The following NUMA1 variants were observed in gnomAD, a reference collection of about 807,000 sequenced individuals.
NUMA1 encodes the protein nuclear mitotic apparatus protein 1.
Under a neutral mutation model 237.1 loss-of-function variants are expected in NUMA1, and 62 were observed. The observed-to-expected ratio is 0.26, with a 90% CI of 0.21 to 0.32. The LOEUF is 0.32. Among genes scored for constraint, NUMA1 ranks in the 10% least tolerant of loss-of-function variants. The probability of loss-of-function intolerance (pLI) is 1.00; values close to 1 mark genes in which losing one functional copy is unlikely to be tolerated. For synonymous variants in NUMA1, 1,028 were observed against 1,066.1 expected (o/e 0.96, Z 0.70); for missense variants, 2,533 against 2,666.5 (o/e 0.95, Z 1.10).
At chr11:72,072,937 G>T (rs1162812387) in intron 1 of NUMA1, among the ~76,000 whole-genome samples, 2 of 150,922 alleles carry the variant, frequency 1.3e-5, no homozygotes, top group Non-Finnish European at 3.0e-5. Context: ...AGCTACTCGG[G>T]AGGGGAGGCT....
Position 72,015,056 on chromosome 11 carries a change from C to T in NUMA1, c.2447G>A (p.Arg816Gln), listed in dbSNP as rs746484837. 80 of 1,614,004 alleles carry T rather than the reference C, an allele frequency of 5.0e-5. No homozygotes were observed. Among genetic ancestry groups the T allele is most frequent in the Non-Finnish European group, 6.3e-5 (74 of 1,180,048 alleles). The part of the protein sequence containing the change: ...LVKEVAAWRE[R>Q]YEDSQQEEAQ... ...CTCCTCTTGCTGGCTATCCTCATACCGCTCACGCCAGGCAGCTACTTCTTT... is the reference window on the plus strand; with the variant it reads ...CTCCTCTTGCTGGCTATCCTCATACTGCTCACGCCAGGCAGCTACTTCTTT... The change falls in exon 15 of 27, where the codon CGG becomes CAG. Residue 816 changes from arginine to glutamine, a missense_variant. Around this residue, in one of 3 missense-constraint regions of NUMA1, gnomAD observed 1,414 missense variants for 1,508.1 expected, o/e 0.94. Coordinates refer to ENST00000393695, the MANE Select transcript of NUMA1 (RefSeq NM_006185.4). This position sits in a 1 kb window ranked among gnomAD's most constrained non-coding sequence, Gnocchi z 4.0.
In NUMA1 at chr11:72,072,469, G is replaced by A. The variant is rs538357748; in HGVS notation, c.-102-2558C>T. ...AAGAAATCTGCAAGGCTGAATCACT[G>A]GTATTTCCTGTGCAGACTTCAAAGA... is the stretch of plus-strand genomic sequence containing the variant. On this transcript the variant is annotated intron_variant, in intron 1 of 26. Transcript: ENST00000393695. Among the ~76,000 whole-genome samples, 5 of 152,264 alleles carry A rather than the reference G, an allele frequency of 3.3e-5. No individual in the cohort carries two copies. In the East Asian group the frequency reaches 9.7e-4, roughly 29 times the overall value.
Position 72,009,307 on chromosome 11 carries a change from C to T in NUMA1, c.4800G>A (p.Leu1600=), listed in dbSNP as rs377582864. The stretch of plus-strand genomic sequence containing the variant: ...GCTCAGCTGCCTGCTCCTTCTGGCT[C>T]AACTGGGCTTGCAGTTCATTCAGCT... The part of the protein sequence containing the change: ...QAQLNELQAQ[L]SQKEQAAEHY... The change falls in exon 18 of 27, where the codon TTG becomes TTA. Residue 1600 remains leucine, a synonymous_variant. Transcript: ENST00000393695. The T allele has an allele frequency of 1.2e-6, 2 of 1,613,588 alleles. No homozygotes were observed. Among genetic ancestry groups the T allele is most frequent in the South Asian group, 1.1e-5 (1 of 91,016 alleles).
chr11:72,065,355 C>A (rs1943151516), intron 2 of NUMA1: 3 of 151,790 alleles, frequency 2.0e-5, no homozygotes, highest in Admixed American at 6.6e-5. Context: ...TTTGAAAAAA[C>A]CTGAAAGCAT....
chr11:72,027,207 A>C (rs945626614), intron 4 of NUMA1, among the ~76,000 whole-genome samples: 5 of 152,232 alleles, frequency 3.3e-5, no homozygotes, highest in African/African-American at 1.2e-4. Context: ...TGTGTGTTAC[A>C]ATACAAGGCA....
chr11:72,013,162 C>A lies in NUMA1; in HGVS notation c.4341G>T (p.Leu1447=). 2 of 1,613,942 alleles carry A rather than the reference C, an allele frequency of 1.2e-6. No individual in the cohort carries two copies. The highest frequency in any genetic ancestry group is 1.7e-6 in the Non-Finnish European group (2 of 1,180,046). Residue 1447 remains leucine (L), a synonymous_variant, in exon 15 of 27, where the codon CTG becomes CTT. Transcript: ENST00000393695. The surrounding 1 kb of genome is among the most constrained non-coding windows in gnomAD (Gnocchi z 6.8). ...CACCCAGCCCCCGGTTCTCCTCTGC[C>A]AGCAGGCCATGCGCCTTCTTCAGCA... ...LSMLKKAHGL[L]AEENRGLGER... is the part of the protein sequence containing the mutation.
In NUMA1 at chr11:72,010,533, A is replaced by G. The variant is rs572684035; in HGVS notation, c.4719+253T>C. Among the ~76,000 whole-genome samples the G allele has an allele frequency of 2.6e-5, 4 of 152,354 alleles. No homozygotes were observed. In the South Asian group the frequency reaches 8.3e-4, roughly 32 times the overall value. ...TGAAGAACTGGATTTACTTTAATAA[A>G]TTTCAATAACCACACGTGACTAGTA... On this transcript the variant is annotated intron_variant, in intron 17 of 26. Transcript: ENST00000393695.
intron 1 of NUMA1, among the ~76,000 whole-genome samples, chr11:72,079,641 TCA>T (rs910845573): frequency 2.6e-5 from 4 of 151,056 alleles, no homozygotes; most frequent in African/African-American, 9.8e-5. Flanking sequence ...CCCACAATCT[TCA>T]CACAGTCACA....
chr11:72,014,465 C>T lies in NUMA1; in HGVS notation c.3038G>A (p.Arg1013Gln), dbSNP rs978635652. Reference sequence around the variant, plus strand: ...GGCAAGGTCAGCCTGGGCACGGCCCCGCTCCTGGGTCAGCCGCGCCACCTC... The same window carrying T: ...GGCAAGGTCAGCCTGGGCACGGCCCTGCTCCTGGGTCAGCCGCGCCACCTC... ...EREVARLTQERGRAQADLALE... is the reference protein window; with the variant it reads ...EREVARLTQEQGRAQADLALE... Residue 1013 changes from arginine (R) to glutamine (Q), a missense_variant, in exon 15 of 27, where the codon CGG becomes CAG. Arg to Gln is a conservative substitution (Grantham distance 43, BLOSUM62 1). Around this residue, in one of 3 missense-constraint regions of NUMA1, gnomAD observed 1,414 missense variants for 1,508.1 expected, o/e 0.94. Transcript: ENST00000393695. The surrounding 1 kb of genome is among the most constrained non-coding windows in gnomAD (Gnocchi z 4.6). 5.6e-6 allele frequency: 9 copies of T among 1,603,718 alleles called. No individual in the cohort carries two copies. Among genetic ancestry groups the T allele is most frequent in the African/African-American group, 1.3e-5 (1 of 75,022 alleles).
intron 2 of NUMA1, among the ~76,000 whole-genome samples, chr11:72,058,561 G>A (rs1314432543): frequency 1.3e-5 from 2 of 152,086 alleles, no homozygotes; most frequent in Non-Finnish European, 1.5e-5. Flanking sequence ...TATCCTTGAC[G>A]TATTTCAAGT....
At chr11:72,050,885 CTTTTT>C (rs11414539) in intron 2 of NUMA1, 2 of 121,750 alleles carry the variant, frequency 1.6e-5, no homozygotes, top group Non-Finnish European at 3.3e-5. Flanking sequence ...CTATACCCAC[CTTTTT>C]TTTTTTTTTT....
chr11:72,008,509 T>C, intron 20 of NUMA1, 179 bp downstream of exon 20: 1 of 699,384 alleles, frequency 1.4e-6, no homozygotes, highest in Non-Finnish European at 2.4e-6. Context: ...GAAGCCTTTC[T>C]TGACCACTTG....
intron 2 of NUMA1, chr11:72,066,431 G>A (rs541725956): frequency 6.6e-6 from 1 of 152,120 alleles, no homozygotes; most frequent in Non-Finnish European, 1.5e-5. Context: ...AACGCTTAAG[G>A]TTCTCTAAGA....
chr11:72,048,268 T>C (rs1188340117), intron 2 of NUMA1, among the ~76,000 whole-genome samples: 1 of 152,030 alleles, frequency 6.6e-6, no homozygotes, highest in East Asian at 1.9e-4. Flanking sequence ...AGCCAGCCTA[T>C]ATTATTGTCT....
chr11:72,012,428 C>T lies in NUMA1; in HGVS notation c.4623G>A (p.Glu1541=). Residue 1541 remains glutamate (E), a synonymous_variant, in exon 16 of 27, where the codon GAG becomes GAA. Transcript: ENST00000393695. ...QKLTAQVEQL[E]VFQREQTKQV... is the part of the protein sequence containing the mutation. The stretch of plus-strand genomic sequence containing the variant: ...GCTTAGTTTGCTCTCTCTGAAATAC[C>T]TCTAGCTGCTCCACCTGTACATGGG... 10 of 1,613,096 alleles carry T rather than the reference C, an allele frequency of 6.2e-6. No homozygotes were observed. Among genetic ancestry groups the T allele is most frequent in the Non-Finnish European group, 8.5e-6 (10 of 1,179,556 alleles).
intron 17 of NUMA1, among the ~76,000 whole-genome samples, chr11:72,010,013 C>A (rs908309777): frequency 3.3e-5 from 5 of 152,254 alleles, no homozygotes; most frequent in Non-Finnish European, 7.3e-5. Flanking sequence ...GCAAGGCCAA[C>A]AAGTGCTTTG....
chr11:72,046,870 G>C (rs1202489744), intron 2 of NUMA1, among the ~76,000 whole-genome samples: 1 of 152,030 alleles, frequency 6.6e-6, no homozygotes, highest in Non-Finnish European at 1.5e-5. Context: ...TGAGGCAAGA[G>C]AATCACTTGA....
chr11:72,006,707 C>A (rs2134496752), intron 21 of NUMA1, among the ~76,000 whole-genome samples: 1 of 152,304 alleles, frequency 6.6e-6, no homozygotes, highest in Middle Eastern at 3.4e-3. Context: ...CCAGAACTTC[C>A]CCAACTTCTT....
Position 72,077,837 on chromosome 11 carries a change from C to T in NUMA1, c.-103+2621G>A, listed in dbSNP as rs200615943. 1.3e-4 allele frequency among the ~76,000 whole-genome samples: 17 copies of T among 129,736 alleles called. No homozygotes were observed. The East Asian group carries it at 3.9e-3, about 30-fold the overall frequency. The allele number at this position is 129,736 out of a possible 152,430, so 85.1% of individuals were successfully genotyped here. A position where few individuals can be genotyped will look rare whatever the true frequency, so the allele number is the denominator to read the frequency against. ...TCAAAAAAAAAAAAAAAACAAAAAA[C>T]TGAAAGTGAAATAAAGATTTTTTAA... is the stretch of plus-strand genomic sequence containing the variant. On this transcript the variant is annotated intron_variant, in intron 1 of 26. Transcript: ENST00000393695.
Sources: allele counts gnomAD v4.1 joint callset (sites outside exome capture counted in the v4.1 genomes callset), GRCh38; gene constraint gnomAD v4.1.1; regional missense constraint gnomAD v4.1.1; non-coding constraint Gnocchi (gnomAD v3.1); transcripts MANE v1.5; gene names NCBI Gene and HGNC (gene_info 2026-07-23, HGNC 2026-07-21).